MTCL2: variants seen among roughly 807,000 people sequenced by gnomAD.
The protein encoded by MTCL2 is microtubule crosslinking factor 2.
At chr20:36,810,575 A>G in the MTCL2 span, among the ~76,000 whole-genome samples, 1 of 152,172 alleles carries the variant, frequency 6.6e-6, no homozygotes, top group Non-Finnish European at 1.5e-5. Context: ...AGAAAGTAGA[A>G]AAACAAAACC....
chr20:36,785,035 C>T, the MTCL2 span: 2 of 985,490 alleles, frequency 2.0e-6, no homozygotes, highest in African/African-American at 1.7e-5. Flanking sequence ...CAATGGAGAA[C>T]GTCTGGGGAG....
At chr20:36,853,383 C>T in the MTCL2 span, among the ~76,000 whole-genome samples, 1 of 152,172 alleles carries the variant, frequency 6.6e-6, no homozygotes, top group African/African-American at 2.4e-5. Context: ...CTAAGTGGCA[C>T]AGCCAGGATT....
chr20:36,810,037 T>C, the MTCL2 span: 18 of 1,600,482 alleles, frequency 1.1e-5, no homozygotes, highest in Admixed American at 1.7e-5. Flanking sequence ...CTGCCGCTCC[T>C]GGGAGAGCTG....
the MTCL2 span, among the ~76,000 whole-genome samples, chr20:36,835,248 C>T: frequency 6.6e-6 from 1 of 152,126 alleles, no homozygotes; most frequent in African/African-American, 2.4e-5. Flanking sequence ...GCAAAGGCCC[C>T]ACCGAGGTTC....
chr20:36,786,641 G>C, the MTCL2 span: 2 of 1,548,154 alleles, frequency 1.3e-6, no homozygotes, highest in Non-Finnish European at 1.7e-6. Flanking sequence ...CAGCGTCCTA[G>C]GAAGAGGGAG....
chr20:36,843,926 G>T, the MTCL2 span, among the ~76,000 whole-genome samples: 1 of 152,150 alleles, frequency 6.6e-6, no homozygotes, highest in South Asian at 2.1e-4. Context: ...ACTTTTAAAT[G>T]ACTGATTTTC....
the MTCL2 span, among the ~76,000 whole-genome samples, chr20:36,830,246 G>C: frequency 6.6e-6 from 1 of 152,032 alleles, no homozygotes; most frequent in African/African-American, 2.4e-5. Flanking sequence ...TGAGGAACTG[G>C]GTACAGTAGC....
At chr20:36,839,780 C>T in the MTCL2 span, among the ~76,000 whole-genome samples, 1 of 152,200 alleles carries the variant, frequency 6.6e-6, no homozygotes, top group African/African-American at 2.4e-5. This position sits in a 1 kb window ranked among gnomAD's most constrained non-coding sequence, Gnocchi z 5.1. Flanking sequence ...TCCCCTGGAG[C>T]CTTCCCGAGG....
chr20:36,781,866 A>C, the MTCL2 span: 1 of 152,058 alleles, frequency 6.6e-6, no homozygotes, highest in South Asian at 2.1e-4. Context: ...GACAAGTCTC[A>C]TTCCGTTGCC....
the MTCL2 span, chr20:36,809,887 T>C: frequency 6.8e-7 from 1 of 1,462,080 alleles, no homozygotes. Flanking sequence ...CCTGACTTTC[T>C]TGACTTCAGA....
At chr20:36,805,539 A>G in the MTCL2 span, among the ~76,000 whole-genome samples, 5 of 152,218 alleles carry the variant, frequency 3.3e-5, no homozygotes, top group Non-Finnish European at 5.9e-5. Context: ...ACCTTGGCAC[A>G]CAGAGTTCTC....
At chr20:36,859,916 G>C in the MTCL2 span, 3 of 1,230,842 alleles carry the variant, frequency 2.4e-6, no homozygotes, top group Non-Finnish European at 3.0e-6. Context: ...GCAGCCTAGC[G>C]ACCCTGCTCT....
the MTCL2 span, chr20:36,863,067 G>C: frequency 7.1e-7 from 1 of 1,405,148 alleles, no homozygotes; most frequent in South Asian, 1.4e-5. The surrounding 1 kb of genome is among the most constrained non-coding windows in gnomAD (Gnocchi z 6.2). Flanking sequence ...ACGGACCCCG[G>C]TGCGGACCCC....
the MTCL2 span, chr20:36,839,101 A>G: frequency 1.1e-6 from 1 of 909,422 alleles, no homozygotes; most frequent in Non-Finnish European, 1.7e-6. The surrounding 1 kb of genome is among the most constrained non-coding windows in gnomAD (Gnocchi z 5.1). Flanking sequence ...ACTGAGGCCC[A>G]GAGAGGTGGT....
chr20:36,789,316 G>A, the MTCL2 span, among the ~76,000 whole-genome samples: 47 of 152,188 alleles, frequency 3.1e-4, no homozygotes, highest in African/African-American at 1.0e-3. Flanking sequence ...GAGATATTAC[G>A]TAAAACATTG....
At chr20:36,863,119 C>T in the MTCL2 span, 9 of 1,397,348 alleles carry the variant, frequency 6.4e-6, no homozygotes, top group South Asian at 2.8e-5. The surrounding 1 kb of genome is among the most constrained non-coding windows in gnomAD (Gnocchi z 6.2). Flanking sequence ...GGAGCCACTG[C>T]GCGCCCCTTC....
the MTCL2 span, chr20:36,804,995 G>A: frequency 1.4e-6 from 2 of 1,411,308 alleles, no homozygotes; most frequent in East Asian, 2.3e-5. Context: ...TCCAGCTTGG[G>A]ACTTCACGAG....
the MTCL2 span, among the ~76,000 whole-genome samples, chr20:36,843,003 G>T: frequency 6.6e-6 from 1 of 152,186 alleles, no homozygotes; most frequent in African/African-American, 2.4e-5. Flanking sequence ...GGACTGGGAA[G>T]TGGGGTCTCG....
chr20:36,815,921 C>G, the MTCL2 span: 1 of 1,612,234 alleles, frequency 6.2e-7, no homozygotes. The surrounding 1 kb of genome is among the most constrained non-coding windows in gnomAD (Gnocchi z 5.3). Context: ...CTGCCAAGCT[C>G]TCCCCGCACT....
Sources: allele counts gnomAD v4.1 joint callset (sites outside exome capture counted in the v4.1 genomes callset), GRCh38; gene constraint gnomAD v4.1.1; non-coding constraint Gnocchi (gnomAD v3.1); transcripts MANE v1.5; gene names NCBI Gene and HGNC (gene_info 2026-07-23, HGNC 2026-07-21).